CCDC138: variants seen among roughly 807,000 people sequenced by gnomAD.
CCDC138 encodes the protein coiled-coil domain containing 138.
In CCDC138, 66 loss-of-function variants were observed where a neutral mutation model predicts 82.3. The ratio of observed to expected loss-of-function variants is 0.80; its 90% CI spans 0.66 to 0.98. CCDC138 has a LOEUF of 0.98. Ranked by LOEUF, CCDC138 falls within the 50% of genes least tolerant of loss-of-function variation. The pLI, the probability that CCDC138 is intolerant of heterozygous loss-of-function variation, is 0.00. For missense variants in CCDC138, 816 were observed against 758.9 expected, an observed-to-expected ratio of 1.08 and a Z score of -0.88; for synonymous variants, 297 against 265.4, an observed-to-expected ratio of 1.12 and a Z score of -1.16.
chr2:108,862,615 A>G (rs1693816160), intron 13 of CCDC138, among the ~76,000 whole-genome samples: 1 of 152,224 alleles, frequency 6.6e-6, no homozygotes, highest in Admixed American at 6.5e-5. Flanking sequence ...TGATTTAGCC[A>G]TTCCACAATG....
At chr2:108,794,915 C>T (rs1310702048) in intron 5 of CCDC138, among the ~76,000 whole-genome samples, 194 bp downstream of exon 5, 1 of 152,116 alleles carries the variant, frequency 6.6e-6, no homozygotes, top group African/African-American at 2.4e-5. Context: ...AAAATAGAGA[C>T]AGTGGCGTTT....
At chr2:108,850,239 A>G (rs1010910921) in intron 12 of CCDC138, among the ~76,000 whole-genome samples, 1 of 152,226 alleles carries the variant, frequency 6.6e-6, no homozygotes, top group Non-Finnish European at 1.5e-5. Flanking sequence ...TATTTATAAA[A>G]TAGGAACATC....
At chr2:108,829,175 C>T (rs1687113254) in intron 10 of CCDC138, among the ~76,000 whole-genome samples, 1 of 152,030 alleles carries the variant, frequency 6.6e-6, no homozygotes, top group African/African-American at 2.4e-5. Flanking sequence ...GTTTGTGCAT[C>T]AACAGATTGA....
At chr2:108,821,311 T>C (rs1022931162) in intron 10 of CCDC138, among the ~76,000 whole-genome samples, 1 of 152,128 alleles carries the variant, frequency 6.6e-6, no homozygotes, top group East Asian at 1.9e-4. Flanking sequence ...TGAGCTGATA[T>C]CATGCCATTG....
intron 10 of CCDC138, among the ~76,000 whole-genome samples, chr2:108,819,157 G>A (rs1271052020): frequency 1.3e-5 from 2 of 152,174 alleles, no homozygotes; most frequent in Non-Finnish European, 2.9e-5. Context: ...TAATGACAAG[G>A]ACATGTTAGT....
intron 10 of CCDC138, among the ~76,000 whole-genome samples, chr2:108,820,685 A>G (rs1017868338): frequency 2.1e-5 from 3 of 141,702 alleles, no homozygotes; most frequent in Non-Finnish European, 4.5e-5. Context: ...CAGTGGGATG[A>G]TACATTCAAA....
At chr2:108,842,590 G>A (rs1256864683) in intron 11 of CCDC138, among the ~76,000 whole-genome samples, 1 of 152,148 alleles carries the variant, frequency 6.6e-6, no homozygotes, top group Non-Finnish European at 1.5e-5. Context: ...CACACAGTCC[G>A]TAGTGAGGTG....
chr2:108,788,590 G>A (rs185786617), intron 2 of CCDC138, among the ~76,000 whole-genome samples: 5 of 151,762 alleles, frequency 3.3e-5, no homozygotes, highest in Non-Finnish European at 7.4e-5. Context: ...TGTGGTGGCG[G>A]GCTCCTGTAG....
At position 108,839,219 on chromosome 2, in the gene CCDC138, T is replaced by C; in HGVS notation, c.1241T>C (p.Met414Thr). ...LPLMTEQLQW[M>T]PFVNIKLHEP... ...CTAATGACAGAGCAGCTACAGTGGA[T>C]GCCATTTGTGAATATCAAACTTCAC... Residue 414 changes from methionine to threonine, a missense_variant, in exon 11 of 15, where the codon ATG (methionine) becomes ACG (threonine). Met to Thr is a moderately conservative substitution (Grantham distance 81, BLOSUM62 -1). Transcript: ENST00000295124. 6.2e-7 allele frequency: 1 copy of C among 1,612,412 alleles called. No individual in the cohort carries two copies. Among genetic ancestry groups the C allele is most frequent in the South Asian group, 1.1e-5 (1 of 90,916 alleles).
intron 3 of CCDC138, 102 bp downstream of exon 3, chr2:108,789,068 G>A: frequency 8.4e-7 from 1 of 1,197,188 alleles, no homozygotes; most frequent in East Asian, 2.4e-5. Flanking sequence ...CTGAGGACAA[G>A]TATGAGGACA....
chr2:108,833,726 C>A (rs1574130838), intron 10 of CCDC138, among the ~76,000 whole-genome samples: 2 of 91,036 alleles, frequency 2.2e-5, no homozygotes, highest in African/African-American at 8.2e-5. Context: ...GTGGAGTAAA[C>A]TTTTTTTTTT....
chr2:108,796,085 T>C (rs1337719604), intron 5 of CCDC138, among the ~76,000 whole-genome samples: 30 of 152,202 alleles, frequency 2.0e-4, no homozygotes, highest in Admixed American at 1.5e-3. Flanking sequence ...AGTCTCACTC[T>C]GTGCCCAGGC....
At chr2:108,818,863 A>C (rs1685203600) in intron 10 of CCDC138, among the ~76,000 whole-genome samples, 1 of 152,088 alleles carries the variant, frequency 6.6e-6, no homozygotes, top group African/African-American at 2.4e-5. Context: ...AATTTACTTA[A>C]GGATGGATTT....
chr2:108,791,429 G>A, intron 3 of CCDC138: 2 of 476,372 alleles, frequency 4.2e-6, no homozygotes, highest in Non-Finnish European at 3.9e-6. Context: ...ATATACCACA[G>A]GTAGGTATAT....
chr2:108,844,862 C>T (rs1690175359), intron 11 of CCDC138, among the ~76,000 whole-genome samples: 2 of 151,808 alleles, frequency 1.3e-5, no homozygotes, highest in African/African-American at 2.4e-5. Context: ...ATTCTCCTGC[C>T]TCACCCTCCT....
intron 12 of CCDC138, among the ~76,000 whole-genome samples, chr2:108,851,477 C>G (rs986829133): frequency 7.9e-5 from 12 of 151,906 alleles, no homozygotes; most frequent in African/African-American, 2.9e-4. Context: ...AATTTTTGTA[C>G]TTTTAGTAGA....
Position 108,876,255 on chromosome 2 carries a change from C to T in CCDC138, c.*2C>T. 2 of 1,570,716 alleles carry T rather than the reference C, an allele frequency of 1.3e-6. No homozygotes were observed. Among genetic ancestry groups the T allele is most frequent in the Non-Finnish European group, 1.7e-6 (2 of 1,156,288 alleles). On this transcript the variant is annotated 3_prime_UTR_variant, in exon 15 of 15. Transcript: ENST00000295124. ...CTGGTCTCCAGTGCAAGCCCTTAGA[C>T]TGGCTAATTTTTTAATATAGTATAT...
chr2:108,877,299 C>G (rs1432404582), downstream of CCDC138, among the ~76,000 whole-genome samples: 2 of 70,562 alleles, frequency 2.8e-5, no homozygotes, highest in Middle Eastern at 7.6e-3. Flanking sequence ...GAAACCCCGT[C>G]TCTACAAAAA....
upstream of CCDC138, chr2:108,786,756 CG>C: frequency 7.0e-7 from 1 of 1,437,520 alleles, no homozygotes; most frequent in Non-Finnish European, 9.6e-7. Context: ...TGACGCACTG[CG>C]GCCGCGTAGC....
Sources: gnomAD v4.1 joint callset for allele counts (sites outside exome capture counted in the v4.1 genomes callset) on GRCh38, gnomAD v4.1.1 for gene constraint, MANE v1.5 for transcripts, NCBI Gene and HGNC (gene_info 2026-07-23, HGNC 2026-07-21) for gene names.